Variants in ENDOV observed in about 807,000 individuals in gnomAD.
ENDOV encodes hEndoV.
A neutral mutation model predicts 39.4 loss-of-function variants in ENDOV; 37 were observed. The observed-to-expected ratio is 0.94, with a 90% CI of 0.72 to 1.23. ENDOV has a LOEUF of 1.23. Ranked by LOEUF, ENDOV falls within the 50% of genes most tolerant of loss-of-function variation. The probability of loss-of-function intolerance (pLI) is 0.00; values close to 1 mark genes in which losing one functional copy is unlikely to be tolerated. For synonymous variants in ENDOV, 186 were observed against 163.4 expected (o/e 1.14, Z -1.05); for missense variants, 441 against 375.7 (o/e 1.17, Z -1.44).
intron 5 of ENDOV, chr17:80,424,380 C>T (rs533673741): frequency 2.5e-6 from 1 of 399,968 alleles, no homozygotes; most frequent in African/African-American, 2.1e-5. Context: ...GGAGAGAAGC[C>T]ACAGGAAGGA....
At chr17:80,417,459 G>T (rs2081358303) in intron 2 of ENDOV, 1 of 152,180 alleles carries the variant, frequency 6.6e-6, no homozygotes. Flanking sequence ...TAGACTGGGT[G>T]GCCTACCCAC....
intron 9 of ENDOV, among the ~76,000 whole-genome samples, chr17:80,431,505 G>T (rs1191874148): frequency 6.6e-6 from 1 of 152,250 alleles, no homozygotes; most frequent in Non-Finnish European, 1.5e-5. Context: ...AAAGTCACGG[G>T]GGGCACAGGA....
chr17:80,415,822 G>A lies in ENDOV; in HGVS notation c.228+1G>A, dbSNP rs367986604. 1 of 1,590,902 alleles carries A rather than the reference G, an allele frequency of 6.3e-7. No homozygotes were observed. Among genetic ancestry groups the A allele is most frequent in the Non-Finnish European group, 8.6e-7 (1 of 1,168,858 alleles). Reference sequence around the variant, plus strand: ...GGTGCTCAGCTTCCCTGAGCTCGAGGTAACCTGGGAGGACGCCGAGCTCGA... The same window carrying A: ...GGTGCTCAGCTTCCCTGAGCTCGAGATAACCTGGGAGGACGCCGAGCTCGA... On this transcript the variant is annotated splice_donor_variant, in intron 2 of 9. Transcript: ENST00000518137. LOFTEE classifies it high-confidence loss of function.
chr17:80,436,382 C>T lies in ENDOV; in HGVS notation c.*239C>T. On this transcript the variant is annotated 3_prime_UTR_variant, in exon 10 of 10. Transcript: ENST00000518137. The stretch of plus-strand genomic sequence containing the variant: ...TTAAGGGAACGTTTGCAGTCTTTCA[C>T]CACTAGATGTGATGTGAGCTGTTAG... 6.9e-7 allele frequency: 1 copy of T among 1,447,252 alleles called. No homozygotes were observed. The highest frequency in any genetic ancestry group is 9.2e-7 in the Non-Finnish European group (1 of 1,090,974). 89.7% of individuals were successfully genotyped at this position (1,447,252 alleles called of 1,614,324 possible).
At chr17:80,428,013 C>G (rs41300768) in intron 7 of ENDOV, among the ~76,000 whole-genome samples, 5,431 of 152,356 alleles carry the variant, frequency 0.036, 186 homozygotes, top group East Asian at 0.21. Flanking sequence ...GCCAGACCCC[C>G]CATGCCCCCG....
chr17:80,431,766 TC>T (rs766058648), intron 9 of ENDOV, among the ~76,000 whole-genome samples: 2 of 152,188 alleles, frequency 1.3e-5, no homozygotes, highest in African/African-American at 4.8e-5. Context: ...TCTCTGCCCT[TC>T]CCACCGAAAG....
intron 1 of ENDOV, 177 bp downstream of exon 1, chr17:80,415,427 G>A (rs762219511): frequency 1.0e-4 from 104 of 992,748 alleles, no homozygotes; most frequent in Non-Finnish European, 1.3e-4. Flanking sequence ...TAGTCCGCGG[G>A]GTGGGCGCGG....
chr17:80,427,891 C>T (rs1414201428), intron 7 of ENDOV: 9 of 1,228,852 alleles, frequency 7.3e-6, no homozygotes, highest in Non-Finnish European at 9.4e-6. Flanking sequence ...CCCACTTCCC[C>T]CATGAATGGA....
chr17:80,422,229 G>C lies in ENDOV; in HGVS notation c.387G>C (p.Gly129=). ...AGGTCCTTCTTGTGGATGGAAACGG[G>C]GTACTCCACCACCGAGGTAATCCTG... The part of the protein sequence containing the change: ...MPQVLLVDGN[G]VLHHRGFGVA... Residue 129 remains glycine (G), a synonymous_variant, in exon 4 of 10, where the codon GGG becomes GGC. Transcript: ENST00000518137. The C allele has an allele frequency of 6.2e-7, 1 of 1,613,672 alleles. No homozygotes were observed. The highest frequency in any genetic ancestry group is 8.5e-7 in the Non-Finnish European group (1 of 1,179,826).
At position 80,415,712 on chromosome 17, in the gene ENDOV, C is replaced by G. The variant is rs762700200; in HGVS notation, c.119C>G (p.Pro40Arg). The change falls in exon 2 of 10, where the codon CCC (proline) becomes CGC (arginine). Residue 40 changes from proline to arginine, a missense_variant. By Grantham distance (103) the Pro-to-Arg change is moderately radical. Coordinates refer to ENST00000518137, the MANE Select transcript of ENDOV (RefSeq NM_173627.5). ...DRDTEAWQRD[P>R]AFSGLQRVGG... ...GACACCGAGGCGTGGCAGCGAGACCCCGCCTTCTCGGGTCTGCAGAGGGTC... is the reference window on the plus strand; with the variant it reads ...GACACCGAGGCGTGGCAGCGAGACCGCGCCTTCTCGGGTCTGCAGAGGGTC... 8 of 1,610,798 alleles carry G rather than the reference C, an allele frequency of 5.0e-6. No homozygotes were observed. Among genetic ancestry groups the G allele is most frequent in the Non-Finnish European group, 5.1e-6 (6 of 1,178,696 alleles).
intron 9 of ENDOV, among the ~76,000 whole-genome samples, chr17:80,431,196 G>T (rs1452564776): frequency 6.6e-6 from 1 of 152,204 alleles, no homozygotes; most frequent in Non-Finnish European, 1.5e-5. Flanking sequence ...CTTCAAGAAG[G>T]TGCTATCCTG....
chr17:80,424,344 G>C (rs1211379978), intron 5 of ENDOV: 1 of 399,734 alleles, frequency 2.5e-6, no homozygotes, highest in Non-Finnish European at 4.4e-6. Flanking sequence ...CCAGCCTGTT[G>C]AGCTGTGTCA....
intron 1 of ENDOV, 110 bp downstream of exon 1, chr17:80,415,360 G>GAGACTCCAAAGCAAAGCCCA: frequency 7.5e-7 from 1 of 1,340,768 alleles, no homozygotes; most frequent in Non-Finnish European, 1.0e-6. Flanking sequence ...GCCACCGCCC[G>GAGACTCCAAAGCAAAGCCCA]AGACTCCAAA....
rs1454177386 is a variant in ENDOV at position 80,415,371 on chromosome 17, G to A, written c.56+121G>A. ...AGCTGCCACCGCCCGAGACTCCAAA[G>A]CAAAGCCCAGTTTCCGGCGCGGAAG... On this transcript the variant is annotated intron_variant, in intron 1 of 9. Coordinates refer to ENST00000518137, the MANE Select transcript of ENDOV (RefSeq NM_173627.5). The A allele has an allele frequency of 3.2e-6, 4 of 1,256,808 alleles. No homozygotes were observed. The South Asian group carries it at 5.5e-5, about 17-fold the overall frequency. The allele number at this position is 1,256,808 out of a possible 1,614,324, so 77.9% of individuals were successfully genotyped here.
At chr17:80,429,155 C>T (rs544107677) in intron 8 of ENDOV, among the ~76,000 whole-genome samples, 2 of 152,346 alleles carry the variant, frequency 1.3e-5, no homozygotes, top group South Asian at 2.1e-4. Context: ...GTGCCTGGCA[C>T]AGTCACCGCT....
chr17:80,420,733 C>T (rs1198182280), intron 2 of ENDOV, among the ~76,000 whole-genome samples: 4 of 152,228 alleles, frequency 2.6e-5, no homozygotes, highest in African/African-American at 9.6e-5. Flanking sequence ...AGACTCAGGC[C>T]TGCCATGTTG....
chr17:80,422,054 G>A, intron 3 of ENDOV, 92 bp downstream of exon 3: 1 of 1,564,950 alleles, frequency 6.4e-7, no homozygotes, highest in South Asian at 1.1e-5. Flanking sequence ...ACAGTGGCAG[G>A]GAGAGACTCA....
At chr17:80,423,693 T>A in intron 5 of ENDOV, 61 bp downstream of exon 5, 1 of 1,487,150 alleles carries the variant, frequency 6.7e-7, no homozygotes, top group Non-Finnish European at 9.1e-7. Context: ...GTGGTGGCCC[T>A]GGGCATGAGG....
rs1418783912 is a variant in ENDOV at position 80,419,418 on chromosome 17, C to T, written c.229-2410C>T. On this transcript the variant is annotated intron_variant, in intron 2 of 9. Coordinates refer to ENST00000518137, the MANE Select transcript of ENDOV (RefSeq NM_173627.5). ...GAGCCATGGCTGGTGTGTGCTGCTC[C>T]GCAGGCCTCTGGCGGAGCCCATTCC... 4.3e-5 allele frequency: 26 copies of T among 609,930 alleles called. 1 individual carries two copies. The highest frequency in any genetic ancestry group is 1.5e-4 in the Admixed American group (6 of 40,254). The allele number at this position is 609,930 out of a possible 1,614,324, so 37.8% of individuals were successfully genotyped here. A position where few individuals can be genotyped will look rare whatever the true frequency, so the allele number is the denominator to read the frequency against.
Sources: allele counts gnomAD v4.1 joint callset (sites outside exome capture counted in the v4.1 genomes callset), GRCh38; gene constraint gnomAD v4.1.1; transcripts MANE v1.5; gene names NCBI Gene and HGNC (gene_info 2026-07-23, HGNC 2026-07-21).